RAP1GAP2: variants seen among roughly 807,000 people sequenced by gnomAD.
The protein encoded by RAP1GAP2 is RAP1 GTPase activating protein 2.
Under a neutral mutation model 95.0 loss-of-function variants are expected in RAP1GAP2, and 27 were observed. That is an observed-to-expected ratio of 0.28 (90% CI 0.21 to 0.39). The LOEUF (loss-of-function observed/expected upper bound fraction) is 0.39. Among genes scored for constraint, RAP1GAP2 ranks in the 10% least tolerant of loss-of-function variants. The pLI, the probability that RAP1GAP2 is intolerant of heterozygous loss-of-function variation, is 1.00. For synonymous variants in RAP1GAP2, 373 were observed against 380.9 expected (o/e 0.98, Z 0.24); for missense variants, 771 against 970.0 (o/e 0.79, Z 2.72).
At chr17:2,800,621 C>G (rs948966569) in intron 2 of RAP1GAP2, 71 bp downstream of exon 2, 29 of 1,520,838 alleles carry the variant, frequency 1.9e-5, no homozygotes, top group African/African-American at 6.9e-5. Context: ...CTTGCTCCCC[C>G]CAGGTTGTGG....
At chr17:2,969,491 A>ATTTT (rs2044761150) in intron 8 of RAP1GAP2, among the ~76,000 whole-genome samples, 1 of 123,190 alleles carries the variant, frequency 8.1e-6, no homozygotes, top group African/African-American at 3.1e-5. Context: ...GTAAATATAT[A>ATTTT]TATTCTTTTT....
At chr17:2,795,160 G>A (rs188627817), upstream of RAP1GAP2, among the ~76,000 whole-genome samples, 1 of 151,710 alleles carries the variant, frequency 6.6e-6, no homozygotes, top group East Asian at 1.9e-4. Context: ...TTACAGGTGT[G>A]AGCCGCCACA....
intron 3 of RAP1GAP2, among the ~76,000 whole-genome samples, chr17:2,916,467 T>C (rs1476005480): frequency 6.6e-6 from 1 of 152,198 alleles, no homozygotes; most frequent in East Asian, 1.9e-4. Context: ...AGAGGTTATT[T>C]GCTGAAGGTC....
intron 23 of RAP1GAP2, among the ~76,000 whole-genome samples, chr17:3,031,794 G>A (rs1239240979): frequency 3.4e-5 from 5 of 148,310 alleles, no homozygotes; most frequent in Non-Finnish European, 7.4e-5. Context: ...CAGATGTGAG[G>A]TGGGAAGGGC....
intron 8 of RAP1GAP2, among the ~76,000 whole-genome samples, chr17:2,969,496 CT>C (rs34468461): frequency 0.18 from 14,728 of 82,540 alleles, 322 homozygotes; most frequent in Middle Eastern, 0.26. Flanking sequence ...TATATATATT[CT>C]TTTTTTTTTT....
At chr17:3,028,236 G>A (rs142153549) in intron 22 of RAP1GAP2, among the ~76,000 whole-genome samples, 13 of 152,266 alleles carry the variant, frequency 8.5e-5, no homozygotes, top group South Asian at 6.2e-4. Flanking sequence ...TAACCTCGGT[G>A]TTGGTTAAAG....
rs1180366411 is a variant in RAP1GAP2 at position 2,867,253 on chromosome 17, A to G, written c.81-38031A>G. 6.6e-6 allele frequency among the ~76,000 whole-genome samples: 1 copy of G among 152,168 alleles called. No individual in the cohort carries two copies. Among genetic ancestry groups the G allele is most frequent in the African/African-American group, 2.4e-5 (1 of 41,432 alleles). On this transcript the variant is annotated intron_variant, in intron 2 of 24. Transcript: ENST00000254695. This position sits in a 1 kb window ranked among gnomAD's most constrained non-coding sequence, Gnocchi z 4.5. ...AAGAAACTTTTGGTTTGAAGTGGCA[A>G]GCCCCAATTCAAATTAATGTAAAGA...
intron 11 of RAP1GAP2, among the ~76,000 whole-genome samples, chr17:2,989,300 T>A (rs2045672368): frequency 6.6e-6 from 1 of 152,202 alleles, no homozygotes; most frequent in African/African-American, 2.4e-5. Context: ...ATGTGCTTAT[T>A]TGCCATCTGT....
chr17:3,034,770 C>T lies in RAP1GAP2; in HGVS notation c.*1409C>T, dbSNP rs2047426240. ...TTCTCCCCCTTCCGAGTCTGCAGCGCCGTGGGCTTCTCTGCCGATGGGCCC... is the reference window on the plus strand; with the variant it reads ...TTCTCCCCCTTCCGAGTCTGCAGCGTCGTGGGCTTCTCTGCCGATGGGCCC... On this transcript the variant is annotated 3_prime_UTR_variant, in exon 25 of 25. Coordinates refer to ENST00000254695, the MANE Select transcript of RAP1GAP2 (RefSeq NM_015085.5). This position sits in a 1 kb window ranked among gnomAD's most constrained non-coding sequence, Gnocchi z 5.1. 1 of 152,774 alleles carries T rather than the reference C, an allele frequency of 6.5e-6. No homozygotes were observed. 9.5% of individuals were successfully genotyped at this position (152,774 alleles called of 1,614,324 possible).
chr17:2,814,737 C>G (rs995470787), intron 2 of RAP1GAP2, among the ~76,000 whole-genome samples: 2 of 152,142 alleles, frequency 1.3e-5, no homozygotes, highest in Middle Eastern at 3.2e-3. Flanking sequence ...GGTACCACCC[C>G]CCCCAACCCC....
Position 3,030,847 on chromosome 17 carries a change from C to T in RAP1GAP2, c.2108-75C>T, listed in dbSNP as rs1455007448. 3.5e-6 allele frequency: 5 copies of T among 1,429,398 alleles called. No individual in the cohort carries two copies. In the African/African-American group the frequency reaches 4.3e-5, roughly 12 times the overall value. The allele number at this position is 1,429,398 out of a possible 1,614,324, so 88.5% of individuals were successfully genotyped here. A position where few individuals can be genotyped will look rare whatever the true frequency, so the allele number is the denominator to read the frequency against. ...CAGGAGGCCCCCTTCCCCTGGCCTC[C>T]CTAGCCAGTCCCCACACACAGCCCC... is the stretch of plus-strand genomic sequence containing the variant. On this transcript the variant is annotated intron_variant, in intron 22 of 24. Transcript: ENST00000254695.
chr17:2,798,262 A>T (rs178564), intron 1 of RAP1GAP2, among the ~76,000 whole-genome samples: 17 of 151,984 alleles, frequency 1.1e-4, no homozygotes, highest in African/African-American at 4.1e-4. Context: ...GTGCTGGCTC[A>T]GTGTCCACTA....
intron 20 of RAP1GAP2, 101 bp from the exon 21 acceptor site, chr17:3,026,249 G>C (rs1323683835): frequency 7.6e-7 from 1 of 1,308,674 alleles, no homozygotes; most frequent in Middle Eastern, 2.0e-4. Context: ...AAAGGCCGAC[G>C]GGTGGGGGCG....
intron 2 of RAP1GAP2, among the ~76,000 whole-genome samples, chr17:2,849,084 C>G (rs11652546): frequency 0.49 from 74,462 of 152,054 alleles, 18,579 homozygotes; most frequent in Non-Finnish European, 0.51. Context: ...TGTGTGTACC[C>G]TCAAAGGCAG....
At chr17:2,842,946 T>G (rs2071429933) in intron 2 of RAP1GAP2, among the ~76,000 whole-genome samples, 1 of 152,184 alleles carries the variant, frequency 6.6e-6, no homozygotes. Context: ...TCCCCTTCTT[T>G]TCTTTCCATG....
Position 2,878,032 on chromosome 17 carries a change from T to C in RAP1GAP2, c.81-27252T>C, listed in dbSNP as rs9893324. On this transcript the variant is annotated intron_variant, in intron 2 of 24. Transcript: ENST00000254695. ...GGAGGCAGAGTGAAAGGCTTGTTGT[T>C]AGAGCTGTGCTTAATACACTTTCAT... Among the ~76,000 whole-genome samples, 903 of 152,120 alleles carry C rather than the reference T, an allele frequency of 5.9e-3. 6 individuals carry two copies. The highest frequency in any genetic ancestry group is 0.02 in the African/African-American group (840 of 41,498).
At chr17:2,979,840 TGTGGTTGGGCCACCTGAGGCCGA>T (rs1202125582) in intron 8 of RAP1GAP2, among the ~76,000 whole-genome samples, 1 of 152,150 alleles carries the variant, frequency 6.6e-6, no homozygotes. Context: ...AAGTGTGATG[TGTGGTTGGGCCACCTGAGGCCGA>T]TCTGGCCTCA....
Position 2,914,473 on chromosome 17 carries a change from A to G in RAP1GAP2, c.165+9105A>G, listed in dbSNP as rs148124069. Among the ~76,000 whole-genome samples the G allele has an allele frequency of 8.0e-3, 1,221 of 151,928 alleles. 16 individuals carry two copies. Among genetic ancestry groups the G allele is most frequent in the African/African-American group, 0.027 (1,131 of 41,428 alleles). On this transcript the variant is annotated intron_variant, in intron 3 of 24. Coordinates refer to ENST00000254695, the MANE Select transcript of RAP1GAP2 (RefSeq NM_015085.5). ...CTTGTAGGCGTTCTTTACATATTCT[A>G]GTCAAGTTCGTTTCTTTTCTTCTTC...
At chr17:2,807,980 C>A (rs1213489704) in intron 2 of RAP1GAP2, among the ~76,000 whole-genome samples, 1 of 152,204 alleles carries the variant, frequency 6.6e-6, no homozygotes, top group Non-Finnish European at 1.5e-5. Flanking sequence ...TCGGGAAGTT[C>A]GCACTGTTTC....
Sources: gnomAD v4.1 joint callset for allele counts (sites outside exome capture counted in the v4.1 genomes callset) on GRCh38, gnomAD v4.1.1 for gene constraint, Gnocchi (gnomAD v3.1) non-coding constraint, MANE v1.5 for transcripts, NCBI Gene and HGNC (gene_info 2026-07-23, HGNC 2026-07-21) for gene names.